Variants in NINL observed in about 807,000 individuals in gnomAD.
NINL encodes the protein ninein-like protein.
A neutral mutation model predicts 160.3 loss-of-function variants in NINL; 153 were observed. The ratio of observed to expected loss-of-function variants is 0.95; its 90% CI spans 0.84 to 1.09. NINL has a LOEUF of 1.09. Among genes scored for constraint, NINL ranks in the 50% least tolerant of loss-of-function variants. The probability of loss-of-function intolerance (pLI) is 0.00; values close to 1 mark genes in which losing one functional copy is unlikely to be tolerated. For missense variants in NINL, 1,829 were observed against 1,764.0 expected, an observed-to-expected ratio of 1.04 and a Z score of -0.66; for synonymous variants, 800 against 734.8, an observed-to-expected ratio of 1.09 and a Z score of -1.43.
intron 1 of NINL, among the ~76,000 whole-genome samples, chr20:25,555,508 G>A (rs1039320969): frequency 6.6e-6 from 1 of 152,172 alleles, no homozygotes; most frequent in East Asian, 1.9e-4. Flanking sequence ...TACAAATCAT[G>A]AGCATATGGC....
At chr20:25,511,552 T>A (rs571947182) in intron 4 of NINL, among the ~76,000 whole-genome samples, 1 of 152,248 alleles carries the variant, frequency 6.6e-6, no homozygotes, top group African/African-American at 2.4e-5. Context: ...TGGTGATAAA[T>A]ACGCAACCCC....
chr20:25,460,374 C>T (rs1415006832), intron 21 of NINL, among the ~76,000 whole-genome samples: 2 of 152,186 alleles, frequency 1.3e-5, no homozygotes, highest in African/African-American at 4.8e-5. Flanking sequence ...ACCCACATGG[C>T]TGCAAGGACA....
At chr20:25,512,305 G>C (rs1274889656) in intron 4 of NINL, among the ~76,000 whole-genome samples, 1 of 152,194 alleles carries the variant, frequency 6.6e-6, no homozygotes, top group Non-Finnish European at 1.5e-5. Context: ...TTTCAAAAAG[G>C]CTTCTTCCCT....
intron 19 of NINL, among the ~76,000 whole-genome samples, chr20:25,464,646 C>T (rs2062868949): frequency 6.6e-6 from 1 of 152,180 alleles, no homozygotes; most frequent in Admixed American, 6.5e-5. Flanking sequence ...GACAGCAGCT[C>T]TCACGCGGCT....
chr20:25,532,054 G>C (rs1006180042), intron 1 of NINL, among the ~76,000 whole-genome samples: 2 of 152,216 alleles, frequency 1.3e-5, no homozygotes, highest in Non-Finnish European at 1.5e-5. Flanking sequence ...GGACAGCTCT[G>C]TGTGTGGCCA....
chr20:25,540,850 G>A (rs1433154006), intron 1 of NINL, among the ~76,000 whole-genome samples: 1 of 151,848 alleles, frequency 6.6e-6, no homozygotes, highest in African/African-American at 2.4e-5. Context: ...CATGGTTTTC[G>A]CTTATTTTTC....
chr20:25,494,308 G>T (rs1018025642), intron 10 of NINL, among the ~76,000 whole-genome samples: 1 of 150,802 alleles, frequency 6.6e-6, no homozygotes, highest in East Asian at 2.0e-4. Context: ...CACCCTACAG[G>T]CCCCAAGCAT....
rs141110750 is a variant in NINL, at chr20:25,555,544, C to T, written c.-11-28946G>A. ...TCAAGGAATATTTACAAAGATAACA[C>T]ACTCATGTAACTACCATTCAGAACA... On this transcript the variant is annotated intron_variant, in intron 1 of 23. Coordinates refer to ENST00000278886, the MANE Select transcript of NINL (RefSeq NM_025176.6). Among the ~76,000 whole-genome samples, 77 of 152,262 alleles carry T rather than the reference C, an allele frequency of 5.1e-4. 1 individual carries two copies. In the East Asian group the frequency reaches 0.014, roughly 28 times the overall value.
intron 3 of NINL, among the ~76,000 whole-genome samples, chr20:25,515,585 G>A (rs2064145969): frequency 6.6e-6 from 1 of 152,004 alleles, no homozygotes; most frequent in African/African-American, 2.4e-5. Flanking sequence ...GGGTGTGCAG[G>A]GTGAAATGAT....
In NINL at chr20:25,477,962, T is replaced by A. The variant is rs184333745; in HGVS notation, c.2202-873A>T. On this transcript the variant is annotated intron_variant, in intron 16 of 23. Transcript: ENST00000278886. ...TTTTGAGACGAGTCTCACTTTTTTT[T>A]TTTTTTAGACGAGTCTCACTTTGTG... 3.6e-4 allele frequency among the ~76,000 whole-genome samples: 54 copies of A among 151,738 alleles called. 1 individual carries two copies. The East Asian group carries it at 9.3e-3, about 26-fold the overall frequency.
At chr20:25,481,490 T>C (rs141466696) in intron 14 of NINL, among the ~76,000 whole-genome samples, 145 of 152,208 alleles carry the variant, frequency 9.5e-4, no homozygotes, top group East Asian at 9.3e-3. Context: ...ACAGGGGCAG[T>C]TGGCCAGGTG....
Position 25,497,233 on chromosome 20 carries a change from C to T in NINL, c.1170-430G>A, listed in dbSNP as rs114611262. ...TTAGCCCTGCATGGGCATCCCAGCA[C>T]GCTAGTGAGCACACAGTGAGTCACC... On this transcript the variant is annotated intron_variant, in intron 9 of 23. Transcript: ENST00000278886. Among the ~76,000 whole-genome samples, 1,007 of 152,334 alleles carry T rather than the reference C, an allele frequency of 6.6e-3. 11 individuals are homozygous for T. The highest frequency in any genetic ancestry group is 0.02 in the African/African-American group (839 of 41,572).
At chr20:25,499,318 G>A in intron 8 of NINL, 3 of 818,092 alleles carry the variant, frequency 3.7e-6, no homozygotes, top group Non-Finnish European at 3.0e-6. Context: ...TGCTGACTGA[G>A]TTGCAAGGCA....
intron 1 of NINL, among the ~76,000 whole-genome samples, chr20:25,560,468 G>C (rs2064921034): frequency 6.6e-6 from 1 of 152,160 alleles, no homozygotes; most frequent in East Asian, 1.9e-4. Context: ...CTAGAAGTCA[G>C]GTGGCCCTAA....
chr20:25,530,200 A>G (rs2064432265), intron 1 of NINL, among the ~76,000 whole-genome samples: 1 of 152,206 alleles, frequency 6.6e-6, no homozygotes, highest in South Asian at 2.1e-4. Flanking sequence ...CTTTGAGATC[A>G]TTTCTAAGTC....
intron 1 of NINL, among the ~76,000 whole-genome samples, chr20:25,539,586 T>C (rs997387533): frequency 1.3e-5 from 2 of 152,212 alleles, no homozygotes; most frequent in Non-Finnish European, 2.9e-5. Context: ...CCCATGTATG[T>C]ACAGGTGCCC....
Position 25,580,355 on chromosome 20 carries a change from G to A in NINL, c.-12+5100C>T, listed in dbSNP as rs182864932. On this transcript the variant is annotated intron_variant, in intron 1 of 23. Transcript: ENST00000278886. ...CCTAAAAAAAAAAAAAAAATGTAATGATTGCCCCTTATGAGATACAAAGTA... is the reference window on the plus strand; with the variant it reads ...CCTAAAAAAAAAAAAAAAATGTAATAATTGCCCCTTATGAGATACAAAGTA... Among the ~76,000 whole-genome samples the A allele has an allele frequency of 2.6e-5, 4 of 151,656 alleles. No homozygotes were observed. In the East Asian group the frequency reaches 7.7e-4, roughly 29 times the overall value.
intron 10 of NINL, among the ~76,000 whole-genome samples, chr20:25,495,038 G>A (rs1032718623): frequency 1.3e-5 from 2 of 152,144 alleles, no homozygotes; most frequent in Non-Finnish European, 2.9e-5. Context: ...GGGGATAAAT[G>A]GCCTATTTGG....
chr20:25,575,436 G>GT (rs1207136154), intron 1 of NINL, among the ~76,000 whole-genome samples: 21 of 101,324 alleles, frequency 2.1e-4, no homozygotes, highest in Middle Eastern at 0.021. Context: ...AACAGAGCGA[G>GT]ACTCCGTCTC....
Sources: gnomAD v4.1 joint callset for allele counts (sites outside exome capture counted in the v4.1 genomes callset) on GRCh38, gnomAD v4.1.1 for gene constraint, MANE v1.5 for transcripts, NCBI Gene and HGNC (gene_info 2026-07-23, HGNC 2026-07-21) for gene names.